The following CTIF variants were observed in gnomAD, a reference collection of about 807,000 sequenced individuals.
The protein encoded by CTIF is cap binding complex dependent translation initiation factor, also known as CBP80/20-dependent translation initiation factor.
CTIF carries 21 observed loss-of-function variants against 66.0 expected under a neutral mutation model. The ratio of observed to expected loss-of-function variants is 0.32; its 90% CI spans 0.23 to 0.46. CTIF has a LOEUF of 0.46. CTIF is among the 20% of genes least tolerant of loss of function. The pLI, the probability that CTIF is intolerant of heterozygous loss-of-function variation, is 1.00. For missense variants in CTIF, 739 were observed against 812.7 expected, an observed-to-expected ratio of 0.91 and a Z score of 1.10; for synonymous variants, 345 against 326.4, an observed-to-expected ratio of 1.06 and a Z score of -0.62.
intron 10 of CTIF, among the ~76,000 whole-genome samples, chr18:48,838,607 A>G (rs1276474250): frequency 6.6e-6 from 1 of 152,208 alleles, no homozygotes; most frequent in Admixed American, 6.5e-5. Context: ...CTCAAAGTAT[A>G]TGCATTACTG....
At chr18:48,639,041 G>A (rs2090878061) in intron 3 of CTIF, among the ~76,000 whole-genome samples, 1 of 152,226 alleles carries the variant, frequency 6.6e-6, no homozygotes, top group African/African-American at 2.4e-5. Flanking sequence ...TGGAAGAGGG[G>A]CTGGGCCACT....
Position 48,860,118 on chromosome 18 carries a change from T to C in CTIF, c.*559T>C, listed in dbSNP as rs868258535. 15 of 376,204 alleles carry C rather than the reference T, an allele frequency of 4.0e-5. No individual in the cohort carries two copies. In the Middle Eastern group the frequency reaches 2.5e-3, roughly 61 times the overall value. The allele number at this position is 376,204 out of a possible 1,614,324, so 23.3% of individuals were successfully genotyped here. A position where few individuals can be genotyped will look rare whatever the true frequency, so the allele number is the denominator to read the frequency against. On this transcript the variant is annotated 3_prime_UTR_variant, in exon 12 of 12. Transcript: ENST00000256413. Reference sequence around the variant, plus strand: ...AGCCGCCCGTAATTGACGGCCTTTGTCAGCCATGGCAGAGCTGACGCTCCA... The same window carrying C: ...AGCCGCCCGTAATTGACGGCCTTTGCCAGCCATGGCAGAGCTGACGCTCCA...
At chr18:48,678,478 G>A (rs2091678439) in intron 6 of CTIF, among the ~76,000 whole-genome samples, 1 of 151,972 alleles carries the variant, frequency 6.6e-6, no homozygotes, top group South Asian at 2.1e-4. Flanking sequence ...AATGGGGCCA[G>A]AAGTTCTCCA....
chr18:48,847,031 C>T (rs189499046), intron 10 of CTIF, among the ~76,000 whole-genome samples: 6 of 152,244 alleles, frequency 3.9e-5, no homozygotes, highest in African/African-American at 9.6e-5. Context: ...GAGCTCCAGC[C>T]GGACATGGTG....
At chr18:48,560,569 ATCCT>A (rs1361833763) in intron 1 of CTIF, among the ~76,000 whole-genome samples, 2 of 151,034 alleles carry the variant, frequency 1.3e-5, no homozygotes, top group African/African-American at 2.4e-5. Flanking sequence ...AAAAAGGAAT[ATCCT>A]TCCTTCTTTT....
chr18:48,765,155 AG>A (rs1474945637), intron 9 of CTIF, among the ~76,000 whole-genome samples: 3 of 152,170 alleles, frequency 2.0e-5, no homozygotes, highest in Admixed American at 2.0e-4. Context: ...TAACACCTCC[AG>A]GGATGTCTTT....
At position 48,646,744 on chromosome 18, in the gene CTIF, C is replaced by CAA. The variant is rs60714827; in HGVS notation, c.252+10070_252+10071dup. On this transcript the variant is annotated intron_variant, in intron 3 of 11. Transcript: ENST00000256413. The stretch of plus-strand genomic sequence containing the variant: ...CCTGGGTAACAGCGAGACCCTGTCT[C>CAA]AAAAAAAAAAAAGAAAATAAAATAA... Among the ~76,000 whole-genome samples, 1,027 of 119,468 alleles carry CAA rather than the reference C, an allele frequency of 8.6e-3. 8 individuals carry two copies. Among genetic ancestry groups the CAA allele is most frequent in the Middle Eastern group, 0.045 (10 of 222 alleles). 78.4% of individuals were successfully genotyped at this position (119,468 alleles called of 152,430 possible).
chr18:48,633,446 T>TA (rs34206483), intron 2 of CTIF, among the ~76,000 whole-genome samples: 92,104 of 151,620 alleles, frequency 0.61, 30,925 homozygotes, highest in East Asian at 0.94. Flanking sequence ...CTTATGCCTG[T>TA]ATCCCAGCAC....
At chr18:48,762,813 C>G (rs981990680) in intron 9 of CTIF, among the ~76,000 whole-genome samples, 1 of 152,228 alleles carries the variant, frequency 6.6e-6, no homozygotes, top group Admixed American at 6.5e-5. Context: ...CGCAGTCTGC[C>G]GTCTTCCCTA....
At chr18:48,752,443 A>G (rs1006891876) in intron 7 of CTIF, among the ~76,000 whole-genome samples, 1 of 152,202 alleles carries the variant, frequency 6.6e-6, no homozygotes, top group South Asian at 2.1e-4. Flanking sequence ...GAGATCTCCA[A>G]TAAGTAATTG....
intron 5 of CTIF, among the ~76,000 whole-genome samples, chr18:48,669,878 A>T (rs2091500901): frequency 7.7e-6 from 1 of 129,554 alleles, no homozygotes; most frequent in African/African-American, 2.8e-5. Context: ...TGTACCGTTT[A>T]CTGTGGGCTG....
At chr18:48,745,615 C>T (rs2092589456) in intron 7 of CTIF, among the ~76,000 whole-genome samples, 1 of 152,220 alleles carries the variant, frequency 6.6e-6, no homozygotes, top group Non-Finnish European at 1.5e-5. Context: ...ACTTTTAACT[C>T]ACTGCTCTAA....
rs1383122524 is a variant in CTIF at position 48,862,623 on chromosome 18, A to C, written c.*3064A>C. Reference sequence around the variant, plus strand: ...GGGGATCGTCCTGTCCATCCATGTAAATGTAAATGTTGGCCGAGTCGGTAT... The same window carrying C: ...GGGGATCGTCCTGTCCATCCATGTACATGTAAATGTTGGCCGAGTCGGTAT... On this transcript the variant is annotated 3_prime_UTR_variant, in exon 12 of 12. Coordinates refer to ENST00000256413, the MANE Select transcript of CTIF (RefSeq NM_014772.3). 1 of 152,646 alleles carries C rather than the reference A, an allele frequency of 6.6e-6. No individual in the cohort carries two copies. Among genetic ancestry groups the C allele is most frequent in the African/African-American group, 2.4e-5 (1 of 41,424 alleles). The allele number at this position is 152,646 out of a possible 1,614,324, so 9.5% of individuals were successfully genotyped here. A position where few individuals can be genotyped will look rare whatever the true frequency, so the allele number is the denominator to read the frequency against.
At chr18:48,587,756 A>C (rs959368701) in intron 1 of CTIF, among the ~76,000 whole-genome samples, 1 of 152,188 alleles carries the variant, frequency 6.6e-6, no homozygotes, top group Non-Finnish European at 1.5e-5. Context: ...AAAGATTATG[A>C]CACCTGTAAG....
At chr18:48,783,562 T>C (rs1342744470) in intron 9 of CTIF, among the ~76,000 whole-genome samples, 2 of 152,136 alleles carry the variant, frequency 1.3e-5, no homozygotes, top group African/African-American at 4.8e-5. Context: ...AGAGGAACTG[T>C]TGAGTGTGTG....
chr18:48,735,767 C>A (rs1354380880), intron 7 of CTIF, among the ~76,000 whole-genome samples: 1 of 152,132 alleles, frequency 6.6e-6, no homozygotes, highest in East Asian at 1.9e-4. Flanking sequence ...CTTGAGATTC[C>A]CTTACCCAAA....
chr18:48,563,498 T>C (rs1236162671), intron 1 of CTIF, among the ~76,000 whole-genome samples: 2 of 152,172 alleles, frequency 1.3e-5, no homozygotes, highest in Non-Finnish European at 2.9e-5. Context: ...TTTGGACAGA[T>C]TCTTACTCTG....
intron 3 of CTIF, among the ~76,000 whole-genome samples, chr18:48,654,864 T>C (rs1026689465): frequency 1.3e-5 from 2 of 151,816 alleles, no homozygotes; most frequent in African/African-American, 2.4e-5. Context: ...CTGAGCAAAC[T>C]ATCACAAGGA....
intron 7 of CTIF, among the ~76,000 whole-genome samples, chr18:48,738,723 C>T (rs1356511257): frequency 3.3e-5 from 5 of 152,314 alleles, no homozygotes; most frequent in African/African-American, 4.8e-5. Flanking sequence ...TTCCCACTTC[C>T]GTAGGCCTTC....
Sources: allele counts gnomAD v4.1 joint callset (sites outside exome capture counted in the v4.1 genomes callset), GRCh38; gene constraint gnomAD v4.1.1; transcripts MANE v1.5; gene names NCBI Gene and HGNC (gene_info 2026-07-23, HGNC 2026-07-21).